SPON1: variants seen among roughly 807,000 people sequenced by gnomAD.
The protein encoded by SPON1 is spondin-1.
In SPON1, 52 loss-of-function variants were observed where a neutral mutation model predicts 111.7. The ratio of observed to expected loss-of-function variants is 0.47; its 90% confidence interval spans 0.37 to 0.59. The LOEUF is 0.59. SPON1 is among the 20% of genes least tolerant of loss of function. The pLI is 0.00. For missense variants in SPON1, 957 were observed against 1,068.5 expected, an observed-to-expected ratio of 0.90 and a Z score of 1.46; for synonymous variants, 410 against 395.8, an observed-to-expected ratio of 1.04 and a Z score of -0.43.
In SPON1 at chr11:14,178,016, TTC is replaced by T. The variant is rs1248336435; in HGVS notation, c.825+42453_825+42454del. ...ATACATTAAATCCAAGATTCTCTGATTCTCTCACTGTTGTAAAACACACACAC... is the reference window on the plus strand; with the variant it reads ...ATACATTAAATCCAAGATTCTCTGATTCTCACTGTTGTAAAACACACACAC... On this transcript the variant is annotated intron_variant, in intron 6 of 15. Transcript: ENST00000576479. 3.9e-5 allele frequency among the ~76,000 whole-genome samples: 5 copies of T among 127,440 alleles called. No homozygotes were observed. The East Asian group carries it at 1.4e-3, about 35-fold the overall frequency. 83.6% of individuals were successfully genotyped at this position (127,440 alleles called of 152,430 possible).
chr11:14,180,256 T>C (rs782001680), intron 6 of SPON1, among the ~76,000 whole-genome samples: 1 of 152,204 alleles, frequency 6.6e-6, no homozygotes, highest in Admixed American at 6.5e-5. Flanking sequence ...TTCTCAAAGA[T>C]TCCAAGATAA....
Position 14,266,509 on chromosome 11 carries a change from CA to C in SPON1, c.*825del, listed in dbSNP as rs1244751015. On this transcript the variant is annotated 3_prime_UTR_variant, in exon 16 of 16. Transcript: ENST00000576479. Reference sequence around the variant, plus strand: ...TACTAAATCCTTATTGGAACCAAGACAAAGGAAGCAAAATTGGTCTCTTTAG... The same window carrying C: ...TACTAAATCCTTATTGGAACCAAGACAAGGAAGCAAAATTGGTCTCTTTAG... 1.3e-5 allele frequency: 2 copies of C among 151,996 alleles called. No homozygotes were observed. Among genetic ancestry groups the C allele is most frequent in the Non-Finnish European group, 2.9e-5 (2 of 68,004 alleles). The allele number at this position is 151,996 out of a possible 1,614,324, so 9.4% of individuals were successfully genotyped here. A position where few individuals can be genotyped will look rare whatever the true frequency, so the allele number is the denominator to read the frequency against.
At chr11:14,039,545 T>A (rs1171307814) in intron 2 of SPON1, among the ~76,000 whole-genome samples, 2 of 152,040 alleles carry the variant, frequency 1.3e-5, no homozygotes, top group African/African-American at 2.4e-5. Context: ...AATGTTTTTT[T>A]AAAAAATGAA....
intron 2 of SPON1, among the ~76,000 whole-genome samples, chr11:13,987,701 T>G (rs986941857): frequency 3.9e-5 from 6 of 152,236 alleles, no homozygotes; most frequent in Non-Finnish European, 7.3e-5. Context: ...CATTTAAGTT[T>G]CTGATCCACC....
At chr11:14,178,879 G>C (rs1554933413) in intron 6 of SPON1, among the ~76,000 whole-genome samples, 6 of 152,204 alleles carry the variant, frequency 3.9e-5, no homozygotes. Flanking sequence ...CAGACACCTT[G>C]AGATACATTT....
At chr11:13,996,083 C>T (rs756519677) in intron 2 of SPON1, among the ~76,000 whole-genome samples, 1 of 152,066 alleles carries the variant, frequency 6.6e-6, no homozygotes, top group African/African-American at 2.4e-5. Flanking sequence ...CCTCACACCT[C>T]TATTTTAAAA....
Position 14,172,973 on chromosome 11 carries a change from G to C in SPON1, c.825+37405G>C, listed in dbSNP as rs137860927. ...GGTGAATCTGACAATTATGTGTCTT[G>C]GAGTTGCTCTTCTCGAGGAGCATCT... On this transcript the variant is annotated intron_variant, in intron 6 of 15. Transcript: ENST00000576479. Among the ~76,000 whole-genome samples, 798 of 151,832 alleles carry C rather than the reference G, an allele frequency of 5.3e-3. 6 individuals are homozygous for C. The highest frequency in any genetic ancestry group is 0.018 in the African/African-American group (767 of 41,462).
intron 6 of SPON1, among the ~76,000 whole-genome samples, chr11:14,230,931 G>C (rs782251713): frequency 7.9e-5 from 12 of 151,854 alleles, no homozygotes; most frequent in Non-Finnish European, 1.2e-4. Flanking sequence ...TGAGTAGCTG[G>C]GACTACAGGC....
intron 6 of SPON1, among the ~76,000 whole-genome samples, chr11:14,212,909 G>A (rs1848590272): frequency 6.6e-6 from 1 of 152,184 alleles, no homozygotes; most frequent in Non-Finnish European, 1.5e-5. Context: ...TCTATGCTGT[G>A]AGAAATGACA....
chr11:14,062,767 C>T (rs1213583687), intron 3 of SPON1, among the ~76,000 whole-genome samples: 1 of 152,200 alleles, frequency 6.6e-6, no homozygotes, highest in Non-Finnish European at 1.5e-5. Flanking sequence ...ACATCCTTCA[C>T]ATGGAGATAT....
rs782320866 is a variant in SPON1 at position 14,259,357 on chromosome 11, C to T, written c.1570C>T (p.Arg524Trp). The T allele has an allele frequency of 5.0e-6, 8 of 1,612,786 alleles. No individual in the cohort carries two copies. Among genetic ancestry groups the T allele is most frequent in the South Asian group, 1.1e-5 (1 of 90,624 alleles). The change falls in exon 12 of 16, where the codon CGG (arginine) becomes TGG (tryptophan). Residue 524 changes from arginine (R) to tryptophan (W), a missense_variant. Arg to Trp is a moderately radical substitution (Grantham distance 101). Around this residue, in one of 5 missense-constraint regions of SPON1, gnomAD observed 549 missense variants for 606.2 expected, o/e 0.91. Coordinates refer to ENST00000576479, the MANE Select transcript of SPON1 (RefSeq NM_006108.4). This position sits in a 1 kb window ranked among gnomAD's most constrained non-coding sequence, Gnocchi z 5.0. ...SISCGMGMRS[R>W]ERYVKQFPED... ...CTCCTGCGGCATGGGCATGAGGTCCCGGGAGAGGTATGTGAAGCAGTTCCC... is the reference window on the plus strand; with the variant it reads ...CTCCTGCGGCATGGGCATGAGGTCCTGGGAGAGGTATGTGAAGCAGTTCCC...
intron 2 of SPON1, among the ~76,000 whole-genome samples, chr11:14,024,927 C>G (rs930874285): frequency 6.6e-6 from 1 of 152,154 alleles, no homozygotes; most frequent in Admixed American, 6.5e-5. Context: ...ATGATTAGAA[C>G]TGAAAAGAAT....
intron 5 of SPON1, among the ~76,000 whole-genome samples, chr11:14,084,950 T>C (rs1214536224): frequency 6.6e-6 from 1 of 152,262 alleles, no homozygotes; most frequent in African/African-American, 2.4e-5. Flanking sequence ...ATGTCTTCTT[T>C]TGAGAAATGT....
intron 1 of SPON1, 116 bp from the exon 2 acceptor site, chr11:13,982,731 C>T (rs782264634): frequency 9.9e-5 from 70 of 708,846 alleles, no homozygotes; most frequent in South Asian, 4.5e-4. Flanking sequence ...ACACTGTCCA[C>T]GGCCTCTGTA....
chr11:13,988,337 T>C (rs1473626928), intron 2 of SPON1, among the ~76,000 whole-genome samples: 16 of 152,234 alleles, frequency 1.1e-4, no homozygotes, highest in Middle Eastern at 3.2e-3. Flanking sequence ...AGTTCACTCA[T>C]GATTTGGCTC....
intron 7 of SPON1, among the ~76,000 whole-genome samples, chr11:14,243,870 C>G (rs1329673312): frequency 2.6e-5 from 4 of 152,188 alleles, no homozygotes; most frequent in Non-Finnish European, 5.9e-5. Flanking sequence ...GGTATGCTGA[C>G]AGTCCCCAAA....
At chr11:14,113,412 G>A (rs1564908089) in intron 5 of SPON1, among the ~76,000 whole-genome samples, 1 of 152,112 alleles carries the variant, frequency 6.6e-6, no homozygotes, top group Non-Finnish European at 1.5e-5. Context: ...GATGGAGGGC[G>A]TGGGTATGAG....
At chr11:14,076,928 A>T (rs1554921518) in intron 4 of SPON1, among the ~76,000 whole-genome samples, 1 of 152,050 alleles carries the variant, frequency 6.6e-6, no homozygotes, top group African/African-American at 2.4e-5. Context: ...TTTGTGTTCA[A>T]CTGCCTGCAA....
At chr11:13,988,368 G>T (rs1050324753) in intron 2 of SPON1, among the ~76,000 whole-genome samples, 18 of 152,234 alleles carry the variant, frequency 1.2e-4, no homozygotes, top group African/African-American at 4.1e-4. Flanking sequence ...TGTTATTGGC[G>T]TATAGGAATG....
Sources: allele counts gnomAD v4.1 joint callset (sites outside exome capture counted in the v4.1 genomes callset), GRCh38; gene constraint gnomAD v4.1.1; regional missense constraint gnomAD v4.1.1; non-coding constraint Gnocchi (gnomAD v3.1); transcripts MANE v1.5; gene names NCBI Gene and HGNC (gene_info 2026-07-23, HGNC 2026-07-21).